The following PCOLCE2 variants were observed in gnomAD, a reference collection of about 807,000 sequenced individuals.
The protein encoded by PCOLCE2 is procollagen C-proteinase enhancer 2.
Under a neutral mutation model 47.0 loss-of-function variants are expected in PCOLCE2, and 42 were observed. That is an observed-to-expected ratio of 0.89 (90% CI 0.70 to 1.16). The LOEUF is 1.16. Ranked by LOEUF, PCOLCE2 falls within the 50% of genes most tolerant of loss-of-function variation. The pLI, the probability that PCOLCE2 is intolerant of heterozygous loss-of-function variation, is 0.00. For missense variants in PCOLCE2, 500 were observed against 526.1 expected (o/e 0.95, Z 0.49); for synonymous variants, 169 against 191.7 (o/e 0.88, Z 0.98).
chr3:142,860,052 T>C (rs1314970500), intron 2 of PCOLCE2, among the ~76,000 whole-genome samples: 1 of 151,490 alleles, frequency 6.6e-6, no homozygotes, highest in East Asian at 1.9e-4. Flanking sequence ...CCAATTATTA[T>C]ATTAAAAAGT....
chr3:142,879,946 G>T (rs897751634), intron 2 of PCOLCE2, among the ~76,000 whole-genome samples: 9 of 146,634 alleles, frequency 6.1e-5, no homozygotes, highest in Non-Finnish European at 1.2e-4. Context: ...ACTCCAGCCT[G>T]GGCGACAGAG....
At chr3:142,838,402 G>C (rs1480227828) in intron 5 of PCOLCE2, among the ~76,000 whole-genome samples, 1 of 152,036 alleles carries the variant, frequency 6.6e-6, no homozygotes, top group Non-Finnish European at 1.5e-5. Context: ...TGAGCTCTCT[G>C]CTCTCTGGTC....
intron 5 of PCOLCE2, among the ~76,000 whole-genome samples, chr3:142,835,680 T>C (rs1446329844): frequency 6.6e-6 from 1 of 152,216 alleles, no homozygotes; most frequent in East Asian, 1.9e-4. Flanking sequence ...TCTTGCTCTG[T>C]CACCCAGGCT....
intron 2 of PCOLCE2, among the ~76,000 whole-genome samples, chr3:142,861,957 G>A (rs188234405): frequency 1.3e-5 from 2 of 152,332 alleles, no homozygotes; most frequent in Non-Finnish European, 2.9e-5. Flanking sequence ...GCTTTCATCG[G>A]AGGAGCAGGG....
chr3:142,888,941 G>A lies in PCOLCE2; in HGVS notation c.-45C>T. On this transcript the variant is annotated 5_prime_UTR_variant, in exon 1 of 9. Transcript: ENST00000295992. The stretch of plus-strand genomic sequence containing the variant: ...GTTTGCACCCCACGGCGCGCGCGCC[G>A]GCACACACGCCCCTCCGCACCCACC... 3.1e-6 allele frequency: 3 copies of A among 981,034 alleles called. No homozygotes were observed. Among genetic ancestry groups the A allele is most frequent in the South Asian group, 2.1e-5 (1 of 46,952 alleles). 60.8% of individuals were successfully genotyped at this position (981,034 alleles called of 1,614,324 possible). A position where few individuals can be genotyped will look rare whatever the true frequency, so the allele number is the denominator to read the frequency against.
chr3:142,876,008 ACAT>A (rs1933487578), intron 2 of PCOLCE2, among the ~76,000 whole-genome samples: 1 of 152,238 alleles, frequency 6.6e-6, no homozygotes, highest in Non-Finnish European at 1.5e-5. Context: ...GTCTGCTGCC[ACAT>A]AATAAATCAT....
At position 142,838,778 on chromosome 3, in the gene PCOLCE2, A is replaced by T. The variant is rs1937232009; in HGVS notation, c.702T>A (p.Ser234Arg). The T allele has an allele frequency of 6.2e-7, 1 of 1,613,684 alleles. No homozygotes were observed. Among genetic ancestry groups the T allele is most frequent in the African/African-American group, 1.3e-5 (1 of 75,036 alleles). Reference protein sequence around the residue: ...ARRIGKYCGDSPPAPIVSERN... With the variant: ...ARRIGKYCGDRPPAPIVSERN... ...AAATAGGTGCTACTTACGCAGGTGG[A>T]CTATCACCACAATACTTTCCAATTC... Residue 234 changes from serine (S) to arginine (R), a missense_variant, in exon 5 of 9, where the codon AGT becomes AGA. Ser to Arg is a moderately radical substitution (Grantham distance 110). Transcript: ENST00000295992.
At chr3:142,886,513 A>T (rs1933720640) in intron 2 of PCOLCE2, among the ~76,000 whole-genome samples, 1 of 152,172 alleles carries the variant, frequency 6.6e-6, no homozygotes, top group Admixed American at 6.5e-5. Context: ...AACATAATGA[A>T]ATCTGTACCA....
intron 2 of PCOLCE2, among the ~76,000 whole-genome samples, chr3:142,859,294 C>T (rs1933133770): frequency 6.6e-6 from 1 of 151,958 alleles, no homozygotes; most frequent in Non-Finnish European, 1.5e-5. Flanking sequence ...AACTCCTGAC[C>T]TCAGGTGATC....
intron 2 of PCOLCE2, among the ~76,000 whole-genome samples, chr3:142,882,000 T>C (rs1933631090): frequency 1.3e-5 from 2 of 152,052 alleles, no homozygotes; most frequent in Admixed American, 6.5e-5. Flanking sequence ...GGTCTGTGAC[T>C]CTCTGGCCCT....
chr3:142,880,046 C>G (rs183757377), intron 2 of PCOLCE2, among the ~76,000 whole-genome samples: 12 of 145,844 alleles, frequency 8.2e-5, no homozygotes, highest in African/African-American at 2.0e-4. Context: ...AACAACCCCA[C>G]CCCCCCAAAA....
chr3:142,862,061 C>T (rs898775694), intron 2 of PCOLCE2, among the ~76,000 whole-genome samples: 2 of 152,188 alleles, frequency 1.3e-5, no homozygotes, highest in Admixed American at 6.5e-5. Context: ...TTCTGCTAGG[C>T]TTGCAGTTCT....
chr3:142,842,000 A>G (rs574320254), intron 4 of PCOLCE2, among the ~76,000 whole-genome samples: 1 of 152,356 alleles, frequency 6.6e-6, no homozygotes, highest in East Asian at 1.9e-4. Flanking sequence ...TGTAACCACA[A>G]ATTAATAAAT....
chr3:142,856,323 A>T (rs1933057033), intron 2 of PCOLCE2, among the ~76,000 whole-genome samples: 1 of 152,186 alleles, frequency 6.6e-6, no homozygotes, highest in Non-Finnish European at 1.5e-5. Context: ...AGCCCCTGTT[A>T]TCACCTCTGA....
intron 5 of PCOLCE2, among the ~76,000 whole-genome samples, chr3:142,833,242 G>A (rs781509521): frequency 3.3e-5 from 5 of 152,172 alleles, no homozygotes; most frequent in Non-Finnish European, 7.4e-5. Context: ...AGGCTGGAGT[G>A]CAGTGGCATG....
At chr3:142,827,446 A>C in intron 6 of PCOLCE2, 1 of 1,559,470 alleles carries the variant, frequency 6.4e-7, no homozygotes, top group Non-Finnish European at 8.8e-7. Context: ...TCTTGGTCTC[A>C]GGGTTGTGGG....
At chr3:142,836,279 T>G (rs2108191061) in intron 5 of PCOLCE2, among the ~76,000 whole-genome samples, 1 of 152,312 alleles carries the variant, frequency 6.6e-6, no homozygotes, top group South Asian at 2.1e-4. Context: ...GTTAGCTTAC[T>G]TATATTGGTG....
At chr3:142,861,238 G>A (rs1933176922) in intron 2 of PCOLCE2, among the ~76,000 whole-genome samples, 1 of 152,208 alleles carries the variant, frequency 6.6e-6, no homozygotes, top group South Asian at 2.1e-4. Flanking sequence ...CTCCTCTGCA[G>A]AGAGTTGTAG....
At chr3:142,821,880 G>A (rs1027601520) in intron 7 of PCOLCE2, among the ~76,000 whole-genome samples, 9 of 151,962 alleles carry the variant, frequency 5.9e-5, no homozygotes, top group African/African-American at 9.7e-5. Context: ...ACAGTTCCTT[G>A]TGGTGTAGGA....
Sources: allele counts gnomAD v4.1 joint callset (sites outside exome capture counted in the v4.1 genomes callset), GRCh38; gene constraint gnomAD v4.1.1; transcripts MANE v1.5; gene names NCBI Gene and HGNC (gene_info 2026-07-23, HGNC 2026-07-21).